Variants in SND1 observed in about 807,000 individuals in gnomAD.
The protein encoded by SND1 is staphylococcal nuclease domain-containing protein 1.
Under a neutral mutation model 121.7 loss-of-function variants are expected in SND1, and 38 were observed. That is an observed-to-expected ratio of 0.31 (90% CI 0.24 to 0.41). The LOEUF (loss-of-function observed/expected upper bound fraction) is 0.41, where lower values mean the gene tolerates loss of function less well. Ranked by LOEUF, SND1 falls within the 10% of genes least tolerant of loss-of-function variation. The pLI, the probability that SND1 is intolerant of heterozygous loss-of-function variation, is 1.00. For missense variants in SND1, 868 were observed against 1,184.6 expected (o/e 0.73, Z 3.92); for synonymous variants, 401 against 447.4 (o/e 0.90, Z 1.31).
At chr7:127,719,314 A>C (rs1483664169) in intron 9 of SND1, among the ~76,000 whole-genome samples, 1 of 152,170 alleles carries the variant, frequency 6.6e-6, no homozygotes, top group African/African-American at 2.4e-5. Context: ...TGGTAATGGG[A>C]ATAAGATGTA....
intron 1 of SND1, among the ~76,000 whole-genome samples, chr7:127,672,202 G>A (rs919154337): frequency 1.4e-4 from 22 of 151,802 alleles, no homozygotes; most frequent in African/African-American, 1.9e-4. Context: ...CTGCAGATAC[G>A]GTATCCCATA....
intron 14 of SND1, among the ~76,000 whole-genome samples, chr7:127,925,607 C>A (rs73232963): frequency 7.1e-6 from 1 of 140,846 alleles, no homozygotes; most frequent in Non-Finnish European, 1.6e-5. Flanking sequence ...GTGGGTGTTT[C>A]TTTTTTTTTT....
At chr7:127,822,473 G>A (rs1232280847) in intron 11 of SND1, among the ~76,000 whole-genome samples, 1 of 151,922 alleles carries the variant, frequency 6.6e-6, no homozygotes, top group Non-Finnish European at 1.5e-5. Flanking sequence ...ACTAATACTG[G>A]TGATATTGTT....
At chr7:127,966,314 G>C (rs1407640507) in intron 15 of SND1, among the ~76,000 whole-genome samples, 1 of 149,688 alleles carries the variant, frequency 6.7e-6, no homozygotes. Context: ...AGTCAACAAG[G>C]ATACCCAGGA....
At chr7:127,880,796 T>C (rs1799776052) in intron 12 of SND1, among the ~76,000 whole-genome samples, 1 of 152,038 alleles carries the variant, frequency 6.6e-6, no homozygotes, top group Non-Finnish European at 1.5e-5. Flanking sequence ...CAGAACGTGA[T>C]ACCCCACAGG....
rs1386500571 is a variant in SND1, at chr7:127,773,449, C to CT, written c.1153-34034dup. 4.5e-4 allele frequency among the ~76,000 whole-genome samples: 64 copies of CT among 143,418 alleles called. 1 individual carries two copies. Among genetic ancestry groups the CT allele is most frequent in the Admixed American group, 4.4e-3 (63 of 14,318 alleles). 94.1% of individuals were successfully genotyped at this position (143,418 alleles called of 152,430 possible). ...CCTGGGTGACACAGCAAGACTCCGTCTCAAAAAAAAAAAAAAATTCTTATT... is the reference window on the plus strand; with the variant it reads ...CCTGGGTGACACAGCAAGACTCCGTCTTCAAAAAAAAAAAAAAATTCTTATT... On this transcript the variant is annotated intron_variant, in intron 10 of 23. Transcript: ENST00000354725.
At position 127,980,115 on chromosome 7, in the gene SND1, T is replaced by C. The variant is rs1448913107; in HGVS notation, c.1670-10832T>C. On this transcript the variant is annotated intron_variant, in intron 15 of 23. Coordinates refer to ENST00000354725, the MANE Select transcript of SND1 (RefSeq NM_014390.4). ...ATTTTATTTTATTCTTTTTCTTTTTTTTTTTTTTTTTTTTTGAGACGGAGT... is the reference window on the plus strand; with the variant it reads ...ATTTTATTTTATTCTTTTTCTTTTTCTTTTTTTTTTTTTTTGAGACGGAGT... Among the ~76,000 whole-genome samples the C allele has an allele frequency of 2.0e-4, 3 of 15,212 alleles. 1 individual carries two copies. The highest frequency in any genetic ancestry group is 3.6e-4 in the Non-Finnish European group (3 of 8,400). 10.0% of individuals were successfully genotyped at this position (15,212 alleles called of 152,430 possible).
chr7:127,654,045 T>C (rs1302710419), intron 1 of SND1, among the ~76,000 whole-genome samples: 1 of 152,104 alleles, frequency 6.6e-6, no homozygotes, highest in Non-Finnish European at 1.5e-5. Flanking sequence ...TAAGAAAGAG[T>C]GGATCTTTCT....
At chr7:127,779,287 C>CTTTTGAGTAG (rs1331397686) in intron 10 of SND1, among the ~76,000 whole-genome samples, 1 of 152,100 alleles carries the variant, frequency 6.6e-6, no homozygotes, top group African/African-American at 2.4e-5. Flanking sequence ...AACAGAACAC[C>CTTTTGAGTAG]TTTTGAGTAG....
intron 7 of SND1, among the ~76,000 whole-genome samples, chr7:127,703,727 C>G (rs1796144026): frequency 6.6e-6 from 1 of 152,092 alleles, no homozygotes. Context: ...AAAATTATGG[C>G]AGGATTATTA....
intron 11 of SND1, among the ~76,000 whole-genome samples, chr7:127,814,816 G>C (rs1281656783): frequency 6.6e-6 from 1 of 152,166 alleles, no homozygotes; most frequent in African/African-American, 2.4e-5. Context: ...TTGCGTGTGA[G>C]AAGGTAGGAT....
intron 11 of SND1, among the ~76,000 whole-genome samples, chr7:127,826,527 G>A (rs1185311857): frequency 6.6e-6 from 1 of 152,076 alleles, no homozygotes; most frequent in Non-Finnish European, 1.5e-5. Flanking sequence ...TTCTTACATA[G>A]GATTTGGTCA....
chr7:127,720,064 T>G (rs1056033312), intron 9 of SND1, among the ~76,000 whole-genome samples: 8 of 152,188 alleles, frequency 5.3e-5, no homozygotes, highest in Non-Finnish European at 1.0e-4. Flanking sequence ...GAATTGCTGT[T>G]TTTGGAGGAA....
intron 15 of SND1, among the ~76,000 whole-genome samples, chr7:127,983,238 G>A (rs543242122): frequency 2.0e-5 from 3 of 152,274 alleles, no homozygotes; most frequent in African/African-American, 7.2e-5. Context: ...AAACTGCTGG[G>A]AGCCTGTGGA....
chr7:128,084,295 C>T (rs1238673975), intron 18 of SND1, among the ~76,000 whole-genome samples: 1 of 152,218 alleles, frequency 6.6e-6, no homozygotes, highest in Non-Finnish European at 1.5e-5. Context: ...CTCTGTGGCC[C>T]AGGCCAGGAG....
intron 9 of SND1, among the ~76,000 whole-genome samples, chr7:127,719,283 C>T (rs770912867): frequency 1.3e-5 from 2 of 152,146 alleles, no homozygotes; most frequent in Non-Finnish European, 2.9e-5. Flanking sequence ...TACATTTTTA[C>T]TTGGCATTAG....
intron 15 of SND1, among the ~76,000 whole-genome samples, chr7:127,966,230 T>G (rs1272859464): frequency 6.6e-6 from 1 of 151,922 alleles, no homozygotes; most frequent in East Asian, 1.9e-4. Context: ...ACAAAGAGCC[T>G]TAGACTCCCA....
At chr7:127,985,886 G>A (rs1409657853) in intron 15 of SND1, among the ~76,000 whole-genome samples, 3 of 152,338 alleles carry the variant, frequency 2.0e-5, no homozygotes, top group East Asian at 3.9e-4. Flanking sequence ...TGAGAACACA[G>A]CGGGCATGCA....
chr7:127,838,958 G>A (rs948547525), intron 11 of SND1, among the ~76,000 whole-genome samples: 3 of 152,170 alleles, frequency 2.0e-5, no homozygotes, highest in African/African-American at 4.8e-5. Flanking sequence ...TGATACATAT[G>A]TATCTTCCTA....
Sources: gnomAD v4.1 joint callset for allele counts (sites outside exome capture counted in the v4.1 genomes callset) on GRCh38, gnomAD v4.1.1 for gene constraint, MANE v1.5 for transcripts, NCBI Gene and HGNC (gene_info 2026-07-23, HGNC 2026-07-21) for gene names.